ADAM22: variants seen among roughly 807,000 people sequenced by gnomAD.
ADAM22 encodes disintegrin and metalloproteinase domain-containing protein 22.
In ADAM22, 65 loss-of-function variants were observed where a neutral mutation model predicts 144.6. That is an observed-to-expected ratio of 0.45 (90% confidence interval 0.37 to 0.55). ADAM22 has a LOEUF of 0.55. Among genes scored for constraint, ADAM22 ranks in the 20% least tolerant of loss-of-function variants. The pLI is 0.00. For missense variants in ADAM22, 974 were observed against 1,184.9 expected, an observed-to-expected ratio of 0.82 and a Z score of 2.61; for synonymous variants, 391 against 412.6, an observed-to-expected ratio of 0.95 and a Z score of 0.63.
intron 3 of ADAM22, among the ~76,000 whole-genome samples, chr7:88,063,625 C>A (rs185946245): frequency 8.5e-5 from 13 of 152,156 alleles, no homozygotes; most frequent in African/African-American, 2.9e-4. Flanking sequence ...ATTGAAAGCC[C>A]AGGACAGTGA....
intron 3 of ADAM22, among the ~76,000 whole-genome samples, chr7:87,984,456 T>A (rs1453878041): frequency 6.6e-6 from 1 of 152,144 alleles, no homozygotes; most frequent in East Asian, 1.9e-4. Context: ...GATAAATAAT[T>A]TTTTTGATGT....
intron 4 of ADAM22, among the ~76,000 whole-genome samples, chr7:88,080,604 G>C (rs535818592): frequency 7.9e-5 from 12 of 151,988 alleles, no homozygotes; most frequent in Non-Finnish European, 1.6e-4. Flanking sequence ...CCGTTAGCAA[G>C]ACTAATAAAG....
At chr7:88,166,867 A>G (rs1843060984) in intron 24 of ADAM22, among the ~76,000 whole-genome samples, 2 of 152,140 alleles carry the variant, frequency 1.3e-5, no homozygotes, top group Admixed American at 6.5e-5. Context: ...AAACAAGACT[A>G]ACATCTAAGT....
chr7:88,010,388 C>T (rs1335456529), intron 3 of ADAM22, among the ~76,000 whole-genome samples: 1 of 152,152 alleles, frequency 6.6e-6, no homozygotes, highest in Non-Finnish European at 1.5e-5. Context: ...GGTAACAAAC[C>T]ACTGGAAGGT....
At chr7:88,097,152 T>C (rs1195569360) in intron 4 of ADAM22, among the ~76,000 whole-genome samples, 2 of 122,194 alleles carry the variant, frequency 1.6e-5, no homozygotes, top group African/African-American at 3.6e-5. Context: ...TTTTCTTTTC[T>C]TTTTTTTTTT....
At chr7:88,065,782 A>C (rs534421297) in intron 3 of ADAM22, among the ~76,000 whole-genome samples, 7 of 152,270 alleles carry the variant, frequency 4.6e-5, no homozygotes, top group African/African-American at 1.4e-4. Context: ...TTACAGCTAC[A>C]CATCTATTTT....
At chr7:88,041,918 A>G (rs1319951267) in intron 3 of ADAM22, among the ~76,000 whole-genome samples, 1 of 152,074 alleles carries the variant, frequency 6.6e-6, no homozygotes, top group African/African-American at 2.4e-5. Context: ...CAAAATAAAA[A>G]TGTAGATTTC....
intron 4 of ADAM22, among the ~76,000 whole-genome samples, chr7:88,087,329 A>G (rs767927420): frequency 1.1e-4 from 17 of 152,170 alleles, no homozygotes; most frequent in Non-Finnish European, 1.9e-4. Flanking sequence ...ATCTACATCA[A>G]GACCCTTTAG....
intron 14 of ADAM22, among the ~76,000 whole-genome samples, chr7:88,138,591 G>T (rs565708595): frequency 6.6e-6 from 1 of 152,270 alleles, no homozygotes; most frequent in Admixed American, 6.5e-5. Context: ...CTAAATATTA[G>T]AAAGCAGGGT....
rs1281201122 is a variant in ADAM22, at chr7:87,934,390, G to A, written c.-76G>A. 6.9e-7 allele frequency: 1 copy of A among 1,450,408 alleles called. No individual in the cohort carries two copies. The highest frequency in any genetic ancestry group is 9.3e-7 in the Non-Finnish European group (1 of 1,077,564). The allele number at this position is 1,450,408 out of a possible 1,614,324, so 89.8% of individuals were successfully genotyped here. ...TGGCCGCGGGGACCCCGGGGGCGCG[G>A]AGCGAGGGAAACGGACTCGGCGGCG... On this transcript the variant is annotated 5_prime_UTR_variant, in exon 1 of 32. Transcript: ENST00000413139.
At chr7:88,053,858 TG>T (rs11354578) in intron 3 of ADAM22, among the ~76,000 whole-genome samples, 6,199 of 152,246 alleles carry the variant, frequency 0.041, 451 homozygotes, top group East Asian at 0.25. Context: ...GGGCTGGGCA[TG>T]GTGGTTTATG....
rs373263735 is a variant in ADAM22, at chr7:88,108,385, AT to A, written c.473+137del. 2,149 of 689,458 alleles carry A rather than the reference AT, an allele frequency of 3.1e-3. 6 individuals are homozygous for A. The highest frequency in any genetic ancestry group is 6.7e-3 in the South Asian group (304 of 45,582). 42.7% of individuals were successfully genotyped at this position (689,458 alleles called of 1,614,324 possible). On this transcript the variant is annotated intron_variant, in intron 5 of 31. Transcript: ENST00000413139. ...TGACTTTAAATTGGTGATGGATCTG[AT>A]TTTTTTTTTCTCTTTTGTATTTTAT... is the stretch of plus-strand genomic sequence containing the variant.
intron 3 of ADAM22, among the ~76,000 whole-genome samples, chr7:88,043,328 A>T (rs1355387985): frequency 6.6e-6 from 1 of 151,982 alleles, no homozygotes; most frequent in Non-Finnish European, 1.5e-5. Context: ...TACTAAAAAT[A>T]CAAAAAATTA....
chr7:88,100,521 T>C (rs887109455), intron 4 of ADAM22, among the ~76,000 whole-genome samples: 1 of 152,214 alleles, frequency 6.6e-6, no homozygotes, highest in Non-Finnish European at 1.5e-5. Context: ...ATTTAGCCTA[T>C]GTCCTTTTTG....
chr7:88,039,464 A>AAAAAAAATATATATATATATAT, intron 3 of ADAM22, among the ~76,000 whole-genome samples: 1 of 76,378 alleles, frequency 1.3e-5, no homozygotes, highest in African/African-American at 4.7e-5. Context: ...AAAAAAAAAA[A>AAAAAAAATATATATATATATAT]ATATATATAT....
chr7:88,029,385 C>G (rs964714468), intron 3 of ADAM22, among the ~76,000 whole-genome samples: 2 of 151,936 alleles, frequency 1.3e-5, no homozygotes, highest in Non-Finnish European at 2.9e-5. Context: ...TTTTGTCCAC[C>G]CTTTTTAACT....
At chr7:88,169,067 T>A (rs1843610940) in intron 25 of ADAM22, among the ~76,000 whole-genome samples, 1 of 152,160 alleles carries the variant, frequency 6.6e-6, no homozygotes, top group Non-Finnish European at 1.5e-5. Context: ...ATGTAATTGT[T>A]TGCTATTATT....
chr7:88,154,881 A>G (rs1839491302), intron 21 of ADAM22, among the ~76,000 whole-genome samples: 1 of 152,102 alleles, frequency 6.6e-6, no homozygotes, highest in African/African-American at 2.4e-5. Context: ...CATGTGGTAA[A>G]GTCTGATACT....
At chr7:88,107,560 A>G (rs1291769580) in intron 4 of ADAM22, among the ~76,000 whole-genome samples, 2 of 151,830 alleles carry the variant, frequency 1.3e-5, no homozygotes, top group Non-Finnish European at 2.9e-5. Flanking sequence ...CAAGGGTCAC[A>G]TATGTATTTC....
Sources: allele counts gnomAD v4.1 joint callset (sites outside exome capture counted in the v4.1 genomes callset), GRCh38; gene constraint gnomAD v4.1.1; transcripts MANE v1.5; gene names NCBI Gene and HGNC (gene_info 2026-07-23, HGNC 2026-07-21).